CCDC148: variants seen among roughly 807,000 people sequenced by gnomAD.
CCDC148 encodes coiled-coil domain-containing protein 148.
CCDC148 carries 89 observed loss-of-function variants against 85.7 expected under a neutral mutation model. The observed-to-expected ratio is 1.04, with a 90% confidence interval of 0.87 to 1.24. The LOEUF (loss-of-function observed/expected upper bound fraction) is 1.24, where lower values mean the gene tolerates loss of function less well. CCDC148 is among the 50% of genes most tolerant of loss of function. The pLI is 0.00. For missense variants in CCDC148, 692 were observed against 671.7 expected (o/e 1.03, Z -0.33); for synonymous variants, 230 against 213.9 (o/e 1.08, Z -0.66).
At chr2:158,411,667 AG>A (rs1409118578) in intron 1 of CCDC148, among the ~76,000 whole-genome samples, 1 of 152,130 alleles carries the variant, frequency 6.6e-6, no homozygotes, top group Non-Finnish European at 1.5e-5. Flanking sequence ...ATTTTTTGTC[AG>A]GCAATTTGTA....
chr2:158,305,090 A>G (rs1691621352), intron 9 of CCDC148, among the ~76,000 whole-genome samples: 1 of 152,104 alleles, frequency 6.6e-6, no homozygotes, highest in Non-Finnish European at 1.5e-5. Flanking sequence ...GCATCCTATG[A>G]CAGTGCAGAT....
intron 1 of CCDC148, among the ~76,000 whole-genome samples, chr2:158,421,802 T>C (rs986891918): frequency 6.6e-6 from 1 of 152,034 alleles, no homozygotes; most frequent in African/African-American, 2.4e-5. Flanking sequence ...ATCCGGGAGC[T>C]GGTTTGTTGA....
intron 3 of CCDC148, among the ~76,000 whole-genome samples, chr2:158,343,197 A>C (rs1682817217): frequency 6.6e-6 from 1 of 152,066 alleles, no homozygotes; most frequent in African/African-American, 2.4e-5. Flanking sequence ...AATTTCTTTT[A>C]TTTTTGCCAG....
chr2:158,409,729 G>A (rs1265927368), intron 1 of CCDC148, among the ~76,000 whole-genome samples: 1 of 152,156 alleles, frequency 6.6e-6, no homozygotes, highest in Non-Finnish European at 1.5e-5. Flanking sequence ...TTAAATGTGA[G>A]GACATGAGAT....
chr2:158,288,804 A>G (rs984683517), intron 9 of CCDC148: 3 of 377,128 alleles, frequency 8.0e-6, no homozygotes, highest in South Asian at 2.1e-5. Flanking sequence ...GTATTAGTCC[A>G]TTTTCATGCT....
chr2:158,244,211 C>T (rs376637322), intron 10 of CCDC148, among the ~76,000 whole-genome samples: 2 of 152,118 alleles, frequency 1.3e-5, no homozygotes, highest in African/African-American at 2.4e-5. Context: ...TGCATTTTTA[C>T]GTATTTGTTA....
intron 1 of CCDC148, among the ~76,000 whole-genome samples, chr2:158,442,973 T>C (rs773838331): frequency 1.9e-4 from 29 of 152,116 alleles, no homozygotes; most frequent in Non-Finnish European, 2.9e-4. Context: ...CCTCTCTCAG[T>C]AAAGGGAGAT....
Position 158,274,674 on chromosome 2 carries a change from T to C in CCDC148, c.1111-23762A>G, listed in dbSNP as rs574087919. The stretch of plus-strand genomic sequence containing the variant: ...GAGTATTTGTTACAAAAAGGGAGCA[T>C]TGGGTCTAAGAGAATTGACAACCAA... On this transcript the variant is annotated intron_variant, in intron 9 of 13. Coordinates refer to ENST00000283233, the MANE Select transcript of CCDC148 (RefSeq NM_138803.4). Among the ~76,000 whole-genome samples, 17 of 152,234 alleles carry C rather than the reference T, an allele frequency of 1.1e-4. No individual in the cohort carries two copies. The East Asian group carries it at 2.7e-3, about 24-fold the overall frequency.
At chr2:158,420,036 A>C (rs1001171900) in intron 1 of CCDC148, 3 of 152,232 alleles carry the variant, frequency 2.0e-5, no homozygotes, top group Non-Finnish European at 4.4e-5. Context: ...GGACATGAAC[A>C]AATACAGCAA....
At chr2:158,238,342 A>G (rs939097330) in intron 10 of CCDC148, among the ~76,000 whole-genome samples, 2 of 151,932 alleles carry the variant, frequency 1.3e-5, no homozygotes, top group Non-Finnish European at 2.9e-5. Flanking sequence ...CTGTAAAAAG[A>G]GGTAAGGGGA....
intron 7 of CCDC148, among the ~76,000 whole-genome samples, chr2:158,314,446 G>C (rs7567756): frequency 0.017 from 2,616 of 152,232 alleles, 69 homozygotes; most frequent in African/African-American, 0.059. Context: ...ACTAAATATT[G>C]ATAGTGAAAA....
At chr2:158,448,224 A>C (rs1191318862) in intron 1 of CCDC148, among the ~76,000 whole-genome samples, 3 of 152,138 alleles carry the variant, frequency 2.0e-5, no homozygotes, top group Non-Finnish European at 4.4e-5. Context: ...CATTGATCTA[A>C]GTGTCTATCA....
intron 9 of CCDC148, among the ~76,000 whole-genome samples, chr2:158,271,293 T>C (rs1033847886): frequency 6.6e-6 from 1 of 152,196 alleles, no homozygotes; most frequent in Admixed American, 6.6e-5. Flanking sequence ...TCCCCCCTTA[T>C]CTATGGTTTC....
intron 9 of CCDC148, among the ~76,000 whole-genome samples, chr2:158,290,030 G>A (rs1360085601): frequency 6.6e-6 from 1 of 152,190 alleles, no homozygotes; most frequent in Admixed American, 6.5e-5. Flanking sequence ...TATAACATGG[G>A]AAGGTGAGGG....
chr2:158,417,267 A>AAGGAGTG (rs1686542883), intron 1 of CCDC148, among the ~76,000 whole-genome samples: 1 of 152,218 alleles, frequency 6.6e-6, no homozygotes, highest in Non-Finnish European at 1.5e-5. Flanking sequence ...AAATGTAACA[A>AAGGAGTG]CAGCCACAGA....
At chr2:158,440,683 G>A (rs1332792960) in intron 1 of CCDC148, among the ~76,000 whole-genome samples, 1 of 152,164 alleles carries the variant, frequency 6.6e-6, no homozygotes, top group Non-Finnish European at 1.5e-5. Flanking sequence ...TTATGTAAAT[G>A]TGGTCTCTCT....
intron 1 of CCDC148, among the ~76,000 whole-genome samples, chr2:158,433,055 T>C (rs1687429121): frequency 1.8e-5 from 2 of 114,246 alleles, no homozygotes; most frequent in Non-Finnish European, 3.6e-5. Flanking sequence ...ATGAAAAACA[T>C]GGCAAAACCT....
intron 9 of CCDC148, among the ~76,000 whole-genome samples, chr2:158,283,566 C>G (rs925305324): frequency 5.9e-5 from 9 of 152,208 alleles, no homozygotes; most frequent in African/African-American, 2.2e-4. Flanking sequence ...CAAATCAAAA[C>G]TACAATGAGA....
chr2:158,355,436 C>G (rs1318312169), intron 2 of CCDC148, among the ~76,000 whole-genome samples: 3 of 152,130 alleles, frequency 2.0e-5, no homozygotes, highest in Non-Finnish European at 4.4e-5. Flanking sequence ...ATACCAGCAA[C>G]AGAAAAACAG....
Sources: allele counts gnomAD v4.1 joint callset (sites outside exome capture counted in the v4.1 genomes callset), GRCh38; gene constraint gnomAD v4.1.1; transcripts MANE v1.5; gene names NCBI Gene and HGNC (gene_info 2026-07-23, HGNC 2026-07-21).